The following DENND3 variants were observed in gnomAD, a reference collection of about 807,000 sequenced individuals.
DENND3 encodes DENN domain-containing protein 3.
DENND3 carries 88 observed loss-of-function variants against 135.1 expected under a neutral mutation model. The observed-to-expected ratio is 0.65, with a 90% CI of 0.55 to 0.78. The LOEUF is 0.78. DENND3 is among the 30% of genes least tolerant of loss of function. The pLI is 0.00. For missense variants in DENND3, 1,392 were observed against 1,688.4 expected, an observed-to-expected ratio of 0.82 and a Z score of 3.08; for synonymous variants, 693 against 712.3, an observed-to-expected ratio of 0.97 and a Z score of 0.43.
chr8:141,190,810 G>A (rs114154612), intron 20 of DENND3, among the ~76,000 whole-genome samples: 1 of 152,362 alleles, frequency 6.6e-6, no homozygotes, highest in African/African-American at 2.4e-5. Flanking sequence ...CAGCTGGCGA[G>A]CCCGTGCTCT....
intron 4 of DENND3, chr8:141,142,664 A>T (rs1312223876): frequency 7.5e-6 from 2 of 266,030 alleles, no homozygotes; most frequent in African/African-American, 4.7e-5. Flanking sequence ...ATGTTTGTTG[A>T]CTGTCTGTCA....
In DENND3 at chr8:141,166,143, A is replaced by G. The variant is rs745957047; in HGVS notation, c.1554-47A>G. 3 of 1,577,372 alleles carry G rather than the reference A, an allele frequency of 1.9e-6. No individual in the cohort carries two copies. Among genetic ancestry groups the G allele is most frequent in the African/African-American group, 2.7e-5 (2 of 74,160 alleles). Reference sequence around the variant, plus strand: ...ATGCTTAGTTTAGGCTTATTCTTCAATCATTATTGTGTCTATAAACTAACG... The same window carrying G: ...ATGCTTAGTTTAGGCTTATTCTTCAGTCATTATTGTGTCTATAAACTAACG... On this transcript the variant is annotated intron_variant, in intron 11 of 22. Coordinates refer to ENST00000519811, the MANE Select transcript of DENND3 (RefSeq NM_001352890.3). This position sits in a 1 kb window ranked among gnomAD's most constrained non-coding sequence, Gnocchi z 4.3.
At chr8:141,132,632 C>T (rs1324867212) in intron 1 of DENND3, among the ~76,000 whole-genome samples, 1 of 152,222 alleles carries the variant, frequency 6.6e-6, no homozygotes, top group Non-Finnish European at 1.5e-5. Context: ...GCTGGGATTA[C>T]AGGCGTGAGC....
chr8:141,176,326 A>T, intron 14 of DENND3: 2 of 421,028 alleles, frequency 4.8e-6, no homozygotes, highest in East Asian at 4.4e-5. Flanking sequence ...AGAAGTATTT[A>T]AGGATGTGAA....
In DENND3 at chr8:141,195,018, G is replaced by A. The variant is rs1448971512; in HGVS notation, c.*785G>A. On this transcript the variant is annotated 3_prime_UTR_variant, in exon 23 of 23. Transcript: ENST00000519811. Reference sequence around the variant, plus strand: ...GTAAAATAGCATCATGTGTGATCTCGTCTTCCAGCGTGCCGCTCAGTTCCC... The same window carrying A: ...GTAAAATAGCATCATGTGTGATCTCATCTTCCAGCGTGCCGCTCAGTTCCC... 1 of 151,956 alleles carries A rather than the reference G, an allele frequency of 6.6e-6. No homozygotes were observed. The highest frequency in any genetic ancestry group is 1.5e-5 in the Non-Finnish European group (1 of 67,998). 9.4% of individuals were successfully genotyped at this position (151,956 alleles called of 1,614,324 possible). A position where few individuals can be genotyped will look rare whatever the true frequency, so the allele number is the denominator to read the frequency against.
At chr8:141,152,335 G>A (rs749707596) in intron 7 of DENND3, among the ~76,000 whole-genome samples, 1 of 152,192 alleles carries the variant, frequency 6.6e-6, no homozygotes, top group Non-Finnish European at 1.5e-5. Context: ...TATTTATAGA[G>A]TTGTGCAATC....
chr8:141,137,926 G>A lies in DENND3; in HGVS notation c.386-96G>A. ...TGAAGGCACCACCACTGCTAACTGT[G>A]GAGGTGTGTCCTAAACACTGTGAAG... On this transcript the variant is annotated intron_variant, in intron 2 of 22. Transcript: ENST00000519811. The surrounding 1 kb of genome is among the most constrained non-coding windows in gnomAD (Gnocchi z 4.1). 8.0e-7 allele frequency: 1 copy of A among 1,244,040 alleles called. No individual in the cohort carries two copies. The highest frequency in any genetic ancestry group is 1.1e-6 in the Non-Finnish European group (1 of 884,396). 77.1% of individuals were successfully genotyped at this position (1,244,040 alleles called of 1,614,324 possible).
In DENND3 at chr8:141,136,505, T is replaced by C; in HGVS notation, c.103-4T>C. The C allele has an allele frequency of 6.5e-7, 1 of 1,540,644 alleles. No homozygotes were observed. The highest frequency in any genetic ancestry group is 8.7e-7 in the Non-Finnish European group (1 of 1,143,022). On this transcript the variant is annotated splice_polypyrimidine_tract_variant and splice_region_variant and intron_variant, in intron 1 of 22. Coordinates refer to ENST00000519811, the MANE Select transcript of DENND3 (RefSeq NM_001352890.3). ...GCAGTAACTCTTATTTTTCCCTTTT[T>C]TAGGTTGCTTATAAAAAGGGAGTCA...
In DENND3 at chr8:141,174,989, G is replaced by A. The variant is rs1331861166; in HGVS notation, c.2276-211G>A. 6.6e-6 allele frequency among the ~76,000 whole-genome samples: 1 copy of A among 152,176 alleles called. No individual in the cohort carries two copies. Among genetic ancestry groups the A allele is most frequent in the Admixed American group, 6.5e-5 (1 of 15,280 alleles). ...AAGGGCTGCGGGCTCAGCCTAGATC[G>A]TGTGCCCCTCCCTTGACAGCTGGAC... On this transcript the variant is annotated intron_variant, in intron 13 of 22. Transcript: ENST00000519811. The surrounding 1 kb of genome is among the most constrained non-coding windows in gnomAD (Gnocchi z 4.6).
intron 17 of DENND3, among the ~76,000 whole-genome samples, chr8:141,183,971 C>T (rs939912712): frequency 9.2e-5 from 14 of 152,160 alleles, no homozygotes; most frequent in Non-Finnish European, 1.5e-4. Flanking sequence ...CCTGTGCTTT[C>T]GGCCCCTTGA....
intron 17 of DENND3, 161 bp from the exon 18 acceptor site, chr8:141,184,978 G>A: frequency 1.2e-6 from 1 of 864,636 alleles, no homozygotes; most frequent in South Asian, 2.1e-5. Context: ...GCTCCCAGAG[G>A]GCAGGGAAGC....
rs753925045 is a variant in DENND3, at chr8:141,166,423, C to G, written c.1753+34C>G. On this transcript the variant is annotated intron_variant, in intron 12 of 22. Transcript: ENST00000519811. The surrounding 1 kb of genome is among the most constrained non-coding windows in gnomAD (Gnocchi z 4.3). ...TGCCCCCCACTGTGGTGCTGTGTGT[C>G]GGTCCCACCATTCCTGCACCTGCAA... is the stretch of plus-strand genomic sequence containing the variant. 6.3e-7 allele frequency: 1 copy of G among 1,585,290 alleles called. No homozygotes were observed. The highest frequency in any genetic ancestry group is 1.1e-5 in the South Asian group (1 of 88,984).
At position 141,139,518 on chromosome 8, in the gene DENND3, A is replaced by C. The variant is rs1817197538; in HGVS notation, c.501+1381A>C. On this transcript the variant is annotated intron_variant, in intron 3 of 22. Transcript: ENST00000519811. The surrounding 1 kb of genome is among the most constrained non-coding windows in gnomAD (Gnocchi z 4.2). ...CTGTGACCTGGCTGCCAGCAGCCCC[A>C]GGCCTTTCTTCCAGGGTTATGTTAA... is the stretch of plus-strand genomic sequence containing the variant. Among the ~76,000 whole-genome samples the C allele has an allele frequency of 6.6e-6, 1 of 152,166 alleles. No individual in the cohort carries two copies. Among genetic ancestry groups the C allele is most frequent in the Admixed American group, 6.5e-5 (1 of 15,280 alleles).
intron 18 of DENND3, 159 bp from the exon 19 acceptor site, chr8:141,188,827 A>G (rs2154613528): frequency 1.1e-6 from 1 of 884,438 alleles, no homozygotes; most frequent in Middle Eastern, 2.5e-4. Context: ...GGTGGATGAC[A>G]ACGTCAGGGC....
At position 141,166,200 on chromosome 8, in the gene DENND3, A is replaced by G; in HGVS notation, c.1564A>G (p.Met522Val). The change falls in exon 12 of 23, where the codon ATG (methionine) becomes GTG (valine). Residue 522 changes from methionine to valine, a missense_variant. Met to Val is a conservative substitution (Grantham distance 21, BLOSUM62 1). Transcript: ENST00000519811. This position sits in a 1 kb window ranked among gnomAD's most constrained non-coding sequence, Gnocchi z 4.3. ...TQSEEDRING[M>V]LLSPRRPTVE... Reference sequence around the variant, plus strand: ...TTTTTCGTACCCCAGAATAAATGGAATGCTTCTAAGTCCAAGGAGACCGAC... The same window carrying G: ...TTTTTCGTACCCCAGAATAAATGGAGTGCTTCTAAGTCCAAGGAGACCGAC... 2 of 1,614,200 alleles carry G rather than the reference A, an allele frequency of 1.2e-6. No homozygotes were observed. The highest frequency in any genetic ancestry group is 1.7e-6 in the Non-Finnish European group (2 of 1,180,020).
intron 16 of DENND3, among the ~76,000 whole-genome samples, chr8:141,179,333 C>T (rs1257480161): frequency 6.6e-6 from 1 of 152,204 alleles, no homozygotes; most frequent in African/African-American, 2.4e-5. Flanking sequence ...CAAACAAACC[C>T]CCTACTTCAG....
Position 141,128,738 on chromosome 8 carries a change from C to T in DENND3, c.31C>T (p.Leu11=), listed in dbSNP as rs1815483481. The T allele has an allele frequency of 9.7e-6, 14 of 1,443,310 alleles. No homozygotes were observed. Among genetic ancestry groups the T allele is most frequent in the Non-Finnish European group, 1.3e-5 (14 of 1,100,088 alleles). 89.4% of individuals were successfully genotyped at this position (1,443,310 alleles called of 1,614,324 possible). A position where few individuals can be genotyped will look rare whatever the true frequency, so the allele number is the denominator to read the frequency against. MAEAASPHLS[L]PSGLLELCAL... Reference sequence around the variant, plus strand: ...GGAGGCCGCGTCGCCGCACTTGTCGCTGCCCTCGGGGCTGCTGGAGCTCTG... The same window carrying T: ...GGAGGCCGCGTCGCCGCACTTGTCGTTGCCCTCGGGGCTGCTGGAGCTCTG... The change falls in exon 1 of 23, where the codon CTG becomes TTG. Residue 11 remains leucine, a synonymous_variant. Coordinates refer to ENST00000519811, the MANE Select transcript of DENND3 (RefSeq NM_001352890.3). The surrounding 1 kb of genome is among the most constrained non-coding windows in gnomAD (Gnocchi z 4.5).
rs1824552463 is a variant in DENND3 at position 141,190,360 on chromosome 8, C to T, written c.3322C>T (p.Gln1108Ter). 1 of 1,613,342 alleles carries T rather than the reference C, an allele frequency of 6.2e-7. No homozygotes were observed. The highest frequency in any genetic ancestry group is 8.5e-7 in the Non-Finnish European group (1 of 1,179,886). ...CACACTGCAGGTGACCAGCCGCTTC[C>T]AGCTGCCGCGAGGTGGCCTGACGTC... ...VSTLQVTSRF[Q>*]LPRGGLTSIR... The change falls in exon 20 of 23, where the codon CAG becomes TAG. Residue 1108 changes from glutamine (Q) to a stop codon, truncating the protein, a stop_gained. Coordinates refer to ENST00000519811, the MANE Select transcript of DENND3 (RefSeq NM_001352890.3). LOFTEE classifies it high-confidence loss of function.
chr8:141,128,876 C>CG lies in DENND3; in HGVS notation c.102+70dup. On this transcript the variant is annotated intron_variant, in intron 1 of 22. Transcript: ENST00000519811. The surrounding 1 kb of genome is among the most constrained non-coding windows in gnomAD (Gnocchi z 4.5). ...GGCAGCCGGGACAGCAGTCGGAGAG[C>CG]GGGCGCCCGGGTGCCCTGTGGGTTG... 4 of 1,201,132 alleles carry CG rather than the reference C, an allele frequency of 3.3e-6. No homozygotes were observed. Among genetic ancestry groups the CG allele is most frequent in the South Asian group, 3.7e-5 (2 of 53,732 alleles). The allele number at this position is 1,201,132 out of a possible 1,614,324, so 74.4% of individuals were successfully genotyped here.
Sources: gnomAD v4.1 joint callset for allele counts (sites outside exome capture counted in the v4.1 genomes callset) on GRCh38, gnomAD v4.1.1 for gene constraint, Gnocchi (gnomAD v3.1) non-coding constraint, MANE v1.5 for transcripts, NCBI Gene and HGNC (gene_info 2026-07-23, HGNC 2026-07-21) for gene names.